The following PRKCE variants were observed in gnomAD, a reference collection of about 807,000 sequenced individuals.
PRKCE encodes protein kinase C epsilon type.
In PRKCE, 16 loss-of-function variants were observed where a neutral mutation model predicts 85.4. The observed-to-expected ratio is 0.19, with a 90% CI of 0.13 to 0.28. PRKCE has a LOEUF of 0.28. PRKCE is among the 10% of genes least tolerant of loss of function. PRKCE has a pLI of 1.00. For missense variants in PRKCE, 573 were observed against 975.2 expected (o/e 0.59, Z 5.49); for synonymous variants, 388 against 371.5 (o/e 1.04, Z -0.51).
At chr2:45,908,857 G>T (rs1161633980) in intron 2 of PRKCE, among the ~76,000 whole-genome samples, 1 of 152,128 alleles carries the variant, frequency 6.6e-6, no homozygotes, top group Non-Finnish European at 1.5e-5. Context: ...GGGCAGACAG[G>T]CTGTACAGTG....
intron 1 of PRKCE, among the ~76,000 whole-genome samples, chr2:45,699,560 G>GC (rs1678443397): frequency 6.6e-6 from 1 of 152,172 alleles, no homozygotes; most frequent in Non-Finnish European, 1.5e-5. Context: ...AGGGGCACCA[G>GC]CCCCCATGCT....
intron 1 of PRKCE, among the ~76,000 whole-genome samples, chr2:45,796,017 C>G (rs1175923385): frequency 6.6e-6 from 1 of 152,234 alleles, no homozygotes; most frequent in Non-Finnish European, 1.5e-5. Context: ...TCTCCCTTCA[C>G]TCTAAGCTTC....
intron 2 of PRKCE, among the ~76,000 whole-genome samples, chr2:45,872,675 G>A (rs1694185057): frequency 6.6e-6 from 1 of 152,194 alleles, no homozygotes; most frequent in South Asian, 2.1e-4. Flanking sequence ...GAAGTGGATT[G>A]GAGATAGAGA....
intron 10 of PRKCE, among the ~76,000 whole-genome samples, chr2:46,058,539 T>C (rs920595336): frequency 5.3e-5 from 8 of 152,158 alleles, no homozygotes; most frequent in African/African-American, 1.9e-4. Context: ...ATGAGAGTCG[T>C]TTCAAATCAG....
chr2:45,656,595 A>T (rs911856844), intron 1 of PRKCE, among the ~76,000 whole-genome samples: 2 of 152,244 alleles, frequency 1.3e-5, no homozygotes, highest in African/African-American at 4.8e-5. Flanking sequence ...ACTTTCATGT[A>T]CATAAGAATC....
chr2:45,904,111 C>T (rs1219215574), intron 2 of PRKCE, among the ~76,000 whole-genome samples: 3 of 151,918 alleles, frequency 2.0e-5, no homozygotes, highest in Non-Finnish European at 4.4e-5. Flanking sequence ...GCTATGTTGG[C>T]CAGGCTGGTC....
chr2:46,177,095 G>C (rs1407945457), intron 14 of PRKCE, among the ~76,000 whole-genome samples: 1 of 152,102 alleles, frequency 6.6e-6, no homozygotes, highest in African/African-American at 2.4e-5. Flanking sequence ...AAGAAATCAA[G>C]TGTAAAGGAT....
At chr2:45,942,267 T>C (rs1699938520) in intron 2 of PRKCE, among the ~76,000 whole-genome samples, 1 of 152,068 alleles carries the variant, frequency 6.6e-6, no homozygotes, top group Admixed American at 6.6e-5. Context: ...TAGAGAAGCG[T>C]TTCTGGCCAA....
At chr2:45,745,915 A>T (rs1683097833) in intron 1 of PRKCE, among the ~76,000 whole-genome samples, 1 of 152,216 alleles carries the variant, frequency 6.6e-6, no homozygotes, top group Admixed American at 6.5e-5. Flanking sequence ...ATGGCCTAAT[A>T]GGTCATTATA....
intron 2 of PRKCE, among the ~76,000 whole-genome samples, chr2:45,888,432 T>G (rs1210141890): frequency 6.6e-6 from 1 of 150,878 alleles, no homozygotes; most frequent in African/African-American, 2.4e-5. Flanking sequence ...TGCCTCATCT[T>G]TAAAAAATGC....
chr2:45,987,695 C>T (rs910619980), intron 6 of PRKCE, among the ~76,000 whole-genome samples: 16 of 152,200 alleles, frequency 1.1e-4, no homozygotes, highest in Admixed American at 2.0e-4. Flanking sequence ...ACCTTGGGAT[C>T]CACTCATGGT....
At chr2:45,785,075 C>T (rs1686490005) in intron 1 of PRKCE, among the ~76,000 whole-genome samples, 1 of 152,214 alleles carries the variant, frequency 6.6e-6, no homozygotes, top group South Asian at 2.1e-4. Context: ...CCTCTTCACA[C>T]AGAGGCAGAG....
At chr2:45,997,380 G>A (rs1214298202) in intron 6 of PRKCE, among the ~76,000 whole-genome samples, 1 of 151,634 alleles carries the variant, frequency 6.6e-6, no homozygotes, top group Non-Finnish European at 1.5e-5. Flanking sequence ...AGCTACTTTG[G>A]TCTCCTTTTT....
At chr2:45,745,376 C>T (rs1401284940) in intron 1 of PRKCE, among the ~76,000 whole-genome samples, 2 of 152,100 alleles carry the variant, frequency 1.3e-5, no homozygotes, top group African/African-American at 4.8e-5. Flanking sequence ...CCTGGGGAGG[C>T]TTCTTTCCCT....
chr2:45,970,296 A>G (rs748532013), intron 2 of PRKCE, among the ~76,000 whole-genome samples: 20 of 152,176 alleles, frequency 1.3e-4, no homozygotes, highest in Non-Finnish European at 2.8e-4. Flanking sequence ...TTTGCTTTGC[A>G]TTTCAAAATT....
At chr2:45,941,356 T>C (rs902162257) in intron 2 of PRKCE, among the ~76,000 whole-genome samples, 2 of 152,120 alleles carry the variant, frequency 1.3e-5, no homozygotes, top group Non-Finnish European at 2.9e-5. Context: ...ATGGACATCA[T>C]TGGTATATTC....
At chr2:46,149,785 G>A (rs908604791) in intron 12 of PRKCE, among the ~76,000 whole-genome samples, 12 of 150,428 alleles carry the variant, frequency 8.0e-5, no homozygotes, top group South Asian at 2.1e-4. Context: ...TTATATGTGC[G>A]TGTGTGTGTA....
At chr2:45,960,649 G>A (rs543010694) in intron 2 of PRKCE, among the ~76,000 whole-genome samples, 1 of 152,340 alleles carries the variant, frequency 6.6e-6, no homozygotes, top group South Asian at 2.1e-4. Flanking sequence ...GTGCAGCCAG[G>A]TTCCTAACAG....
At chr2:45,947,617 G>A (rs1700327960) in intron 2 of PRKCE, among the ~76,000 whole-genome samples, 1 of 152,124 alleles carries the variant, frequency 6.6e-6, no homozygotes, top group Non-Finnish European at 1.5e-5. Context: ...CTGATCTTTG[G>A]CAGCTTGGAG....
Sources: gnomAD v4.1 joint callset for allele counts (sites outside exome capture counted in the v4.1 genomes callset) on GRCh38, gnomAD v4.1.1 for gene constraint, MANE v1.5 for transcripts, NCBI Gene and HGNC (gene_info 2026-07-23, HGNC 2026-07-21) for gene names.